Variants in RASGRF2 observed in about 807,000 individuals in gnomAD.
RASGRF2 encodes ras-specific guanine nucleotide-releasing factor 2.
Under a neutral mutation model 151.0 loss-of-function variants are expected in RASGRF2, and 76 were observed. That is an observed-to-expected ratio of 0.50 (90% CI 0.42 to 0.61). The LOEUF (loss-of-function observed/expected upper bound fraction) is 0.61. RASGRF2 is among the 20% of genes least tolerant of loss of function. The probability of loss-of-function intolerance (pLI) is 0.00; values close to 1 mark genes in which losing one functional copy is unlikely to be tolerated. For missense variants in RASGRF2, 1,148 were observed against 1,564.6 expected, an observed-to-expected ratio of 0.73 and a Z score of 4.49; for synonymous variants, 504 against 566.5, an observed-to-expected ratio of 0.89 and a Z score of 1.57.
At chr5:81,158,023 G>A (rs1754302492) in intron 17 of RASGRF2, among the ~76,000 whole-genome samples, 1 of 152,060 alleles carries the variant, frequency 6.6e-6, no homozygotes, top group African/African-American at 2.4e-5. Context: ...TTTTTGGTAG[G>A]GTGCTAACAC....
intron 1 of RASGRF2, among the ~76,000 whole-genome samples, chr5:80,970,265 T>A (rs990485534): frequency 9.9e-5 from 15 of 152,210 alleles, no homozygotes; most frequent in African/African-American, 3.1e-4. Flanking sequence ...GTAGTTGGCT[T>A]TTTCTAGTAT....
intron 18 of RASGRF2, among the ~76,000 whole-genome samples, chr5:81,196,030 G>A (rs1441755563): frequency 6.6e-6 from 1 of 152,232 alleles, no homozygotes; most frequent in Non-Finnish European, 1.5e-5. Context: ...AGGCCAAGAA[G>A]GGCAGATCAT....
intron 22 of RASGRF2, among the ~76,000 whole-genome samples, chr5:81,211,908 G>A (rs778457165): frequency 2.0e-5 from 3 of 152,152 alleles, no homozygotes; most frequent in Non-Finnish European, 4.4e-5. Flanking sequence ...TCTAACTGGG[G>A]GCAAGTGTTT....
At chr5:81,141,748 A>C (rs1753890506) in intron 17 of RASGRF2, among the ~76,000 whole-genome samples, 2 of 152,114 alleles carry the variant, frequency 1.3e-5, no homozygotes, top group Non-Finnish European at 2.9e-5. Flanking sequence ...CTCCAGAGAG[A>C]TGAGCCTGGG....
At chr5:81,107,681 T>G (rs1293999441) in intron 12 of RASGRF2, among the ~76,000 whole-genome samples, 2 of 152,228 alleles carry the variant, frequency 1.3e-5, no homozygotes, top group Non-Finnish European at 2.9e-5. Context: ...TTATCTTGAC[T>G]CTGTCTTATT....
At chr5:81,026,666 A>T (rs1750043721) in intron 1 of RASGRF2, among the ~76,000 whole-genome samples, 1 of 152,206 alleles carries the variant, frequency 6.6e-6, no homozygotes, top group Non-Finnish European at 1.5e-5. Flanking sequence ...AATGTAGCTA[A>T]TCTAAGCAGG....
At chr5:81,004,349 G>A (rs572157397) in intron 1 of RASGRF2, among the ~76,000 whole-genome samples, 7 of 152,364 alleles carry the variant, frequency 4.6e-5, no homozygotes, top group South Asian at 4.1e-4. Context: ...ATAGGATGTG[G>A]CACGTTATTT....
chr5:81,096,969 G>GA (rs1752566688), intron 12 of RASGRF2, among the ~76,000 whole-genome samples: 1 of 149,980 alleles, frequency 6.7e-6, no homozygotes, highest in African/African-American at 2.5e-5. Context: ...GTTTGTTTGT[G>GA]TTTTTTTTTT....
At chr5:80,983,120 A>G (rs891472187) in intron 1 of RASGRF2, among the ~76,000 whole-genome samples, 1 of 152,166 alleles carries the variant, frequency 6.6e-6, no homozygotes, top group African/African-American at 2.4e-5. Context: ...CCCTTACTTG[A>G]TAACCTGTTC....
chr5:81,110,079 G>T (rs1338126045), intron 13 of RASGRF2, among the ~76,000 whole-genome samples: 2 of 152,114 alleles, frequency 1.3e-5, no homozygotes, highest in African/African-American at 4.8e-5. Context: ...CCTGAAGTTT[G>T]TATTCCTCCC....
chr5:81,025,997 T>C (rs1290848100), intron 1 of RASGRF2, among the ~76,000 whole-genome samples: 6 of 126,912 alleles, frequency 4.7e-5, no homozygotes, highest in African/African-American at 1.5e-4. Context: ...CTCCCTCCCT[T>C]CCTTCCTTTC....
intron 2 of RASGRF2, among the ~76,000 whole-genome samples, chr5:81,066,392 A>C (rs1220895167): frequency 6.6e-6 from 1 of 152,198 alleles, no homozygotes; most frequent in Non-Finnish European, 1.5e-5. Context: ...GTGATTTTAG[A>C]AGTGTCTTAA....
chr5:80,972,732 G>A (rs1459998084), intron 1 of RASGRF2, among the ~76,000 whole-genome samples: 1 of 152,088 alleles, frequency 6.6e-6, no homozygotes, highest in African/African-American at 2.4e-5. Flanking sequence ...CGCCCACCTC[G>A]GCCTCCCAAA....
chr5:81,217,567 T>TA, intron 25 of RASGRF2, 94 bp downstream of exon 25: 9 of 832,518 alleles, frequency 1.1e-5, no homozygotes, highest in Non-Finnish European at 1.5e-5. Context: ...CTTTTTTTTT[T>TA]TCTCTTCTTT....
chr5:81,203,225 A>G (rs972779748), intron 19 of RASGRF2, among the ~76,000 whole-genome samples: 2 of 152,216 alleles, frequency 1.3e-5, no homozygotes, highest in South Asian at 4.1e-4. Context: ...TTAAAACACT[A>G]ATATTTAAAA....
chr5:81,094,799 T>C (rs113290550), intron 11 of RASGRF2, 57 bp from the exon 12 acceptor site: 2 of 1,506,404 alleles, frequency 1.3e-6, no homozygotes, highest in Non-Finnish European at 1.8e-6. Context: ...TGAAGGCAGC[T>C]ATCACTCTTT....
Position 81,112,872 on chromosome 5 carries a change from T to C in RASGRF2, c.2087+14T>C, listed in dbSNP as rs748281909. On this transcript the variant is annotated intron_variant, in intron 14 of 26. Coordinates refer to ENST00000265080, the MANE Select transcript of RASGRF2 (RefSeq NM_006909.3). ...CATCCCTGTCAGGTACACCTATTGC[T>C]AGAGGTTAGCCTGTCATTCGCATAT... is the stretch of plus-strand genomic sequence containing the variant. 3.7e-6 allele frequency: 6 copies of C among 1,614,036 alleles called. No homozygotes were observed. In the East Asian group the frequency reaches 1.1e-4, roughly 30 times the overall value.
intron 1 of RASGRF2, among the ~76,000 whole-genome samples, chr5:81,039,800 T>A (rs930740150): frequency 4.6e-5 from 7 of 152,180 alleles, no homozygotes; most frequent in African/African-American, 1.7e-4. Context: ...TTGCTTATAT[T>A]TTTCCCACAT....
At chr5:81,219,195 C>T (rs549032046) in intron 25 of RASGRF2, among the ~76,000 whole-genome samples, 28 of 152,078 alleles carry the variant, frequency 1.8e-4, no homozygotes, top group Admixed American at 9.8e-4. Flanking sequence ...TCTTATGCCT[C>T]AGCCTCCCAA....
Sources: allele counts gnomAD v4.1 joint callset (sites outside exome capture counted in the v4.1 genomes callset), GRCh38; gene constraint gnomAD v4.1.1; transcripts MANE v1.5; gene names NCBI Gene and HGNC (gene_info 2026-07-23, HGNC 2026-07-21).